MARCHF1: variants seen among roughly 807,000 people sequenced by gnomAD.
MARCHF1 encodes E3 ubiquitin-protein ligase MARCHF1.
MARCHF1 carries 40 observed loss-of-function variants against 54.2 expected under a neutral mutation model. The ratio of observed to expected loss-of-function variants is 0.74; its 90% CI spans 0.57 to 0.96. MARCHF1 has a LOEUF of 0.96. Ranked by LOEUF, MARCHF1 falls within the 40% of genes least tolerant of loss-of-function variation. MARCHF1 has a pLI of 0.00. For synonymous variants in MARCHF1, 236 were observed against 236.3 expected, an observed-to-expected ratio of 1.00 and a Z score of 0.01; for missense variants, 586 against 656.5, an observed-to-expected ratio of 0.89 and a Z score of 1.17.
chr4:163,984,959 A>C (rs1752833327), intron 3 of MARCHF1, among the ~76,000 whole-genome samples: 1 of 152,176 alleles, frequency 6.6e-6, no homozygotes, highest in South Asian at 2.1e-4. Flanking sequence ...TTTCCCGAGA[A>C]TGTGGTTTTC....
At chr4:164,380,843 C>T (rs1293566259) in intron 1 of MARCHF1, among the ~76,000 whole-genome samples, 1 of 152,090 alleles carries the variant, frequency 6.6e-6, no homozygotes, top group Admixed American at 6.5e-5. Flanking sequence ...GTGAAAGCTA[C>T]AATGTTTTGT....
intron 1 of MARCHF1, among the ~76,000 whole-genome samples, chr4:164,238,471 C>T (rs1189660578): frequency 2.0e-5 from 3 of 152,006 alleles, no homozygotes; most frequent in Non-Finnish European, 4.4e-5. Context: ...AACTCTACAT[C>T]CCTTGATAGC....
At chr4:163,663,238 AG>A (rs1190691688) in intron 5 of MARCHF1, among the ~76,000 whole-genome samples, 50 of 85,522 alleles carry the variant, frequency 5.8e-4, no homozygotes, top group African/African-American at 1.1e-3. Flanking sequence ...TTTTTTTTTT[AG>A]ATTTAGGGCT....
intron 1 of MARCHF1, among the ~76,000 whole-genome samples, chr4:164,245,423 T>A (rs1299120983): frequency 6.6e-6 from 1 of 152,204 alleles, no homozygotes; most frequent in African/African-American, 2.4e-5. Context: ...AAACTCTCAA[T>A]AAATTAGGTA....
At chr4:164,140,198 CACAT>C in intron 1 of MARCHF1, among the ~76,000 whole-genome samples, 1 of 146,788 alleles carries the variant, frequency 6.8e-6, no homozygotes, top group South Asian at 2.2e-4. Context: ...CACATACACA[CACAT>C]ATATACACAC....
chr4:164,241,191 A>G (rs1179204490), intron 1 of MARCHF1, among the ~76,000 whole-genome samples: 1 of 152,096 alleles, frequency 6.6e-6, no homozygotes, highest in Non-Finnish European at 1.5e-5. Context: ...TTCGAAGACC[A>G]TTTGGACAGT....
intron 1 of MARCHF1, among the ~76,000 whole-genome samples, chr4:164,295,447 A>AACACACAC (rs5863675): frequency 1.7e-4 from 25 of 150,796 alleles, no homozygotes; most frequent in African/African-American, 5.4e-4. Flanking sequence ...CATACACACA[A>AACACACAC]ACACACACAC....
chr4:164,180,146 A>G (rs757643298), intron 1 of MARCHF1, among the ~76,000 whole-genome samples: 1 of 151,948 alleles, frequency 6.6e-6, no homozygotes, highest in African/African-American at 2.4e-5. Flanking sequence ...AAATTTTCCC[A>G]ATGTTTAATT....
chr4:164,085,831 G>A (rs905738870), intron 2 of MARCHF1, among the ~76,000 whole-genome samples: 2 of 151,704 alleles, frequency 1.3e-5, no homozygotes, highest in African/African-American at 4.8e-5. Context: ...TTATGACTAT[G>A]TATTCTGTAC....
chr4:164,197,253 G>A (rs1731296614), intron 1 of MARCHF1: 21 of 1,610,834 alleles, frequency 1.3e-5, no homozygotes, highest in Non-Finnish European at 1.8e-5. Flanking sequence ...CAATATCTGA[G>A]TAAGGGGCCT....
chr4:164,104,416 C>T (rs1304242659), intron 2 of MARCHF1, among the ~76,000 whole-genome samples: 2 of 57,096 alleles, frequency 3.5e-5, no homozygotes, highest in African/African-American at 9.2e-5. Flanking sequence ...GCTTATCCAC[C>T]ATGATCAAGT....
chr4:163,875,249 T>C lies in MARCHF1; in HGVS notation c.-38-21080A>G, dbSNP rs935970990. Among the ~76,000 whole-genome samples the C allele has an allele frequency of 2.0e-4, 30 of 152,116 alleles. 1 individual carries two copies. Among genetic ancestry groups the C allele is most frequent in the African/African-American group, 6.8e-4 (28 of 41,442 alleles). ...AAAAATTCCCCAATTTATCTTCCCT[T>C]AAGTGTGTTCAGATAGTTTTGTGAC... On this transcript the variant is annotated intron_variant, in intron 3 of 9. Coordinates refer to ENST00000514618, the MANE Select transcript of MARCHF1 (RefSeq NM_001394959.1).
chr4:164,365,738 A>C (rs552208398), intron 1 of MARCHF1, among the ~76,000 whole-genome samples: 2 of 152,004 alleles, frequency 1.3e-5, no homozygotes, highest in South Asian at 4.1e-4. Context: ...CTAGATTTGA[A>C]CTCCTGTTTG....
Position 164,094,160 on chromosome 4 carries a change from G to T in MARCHF1, c.-248+17428C>A, listed in dbSNP as rs578045680. ...ACATTCCTGTAAGAAGTGGATGGACGTGCCAGCAAAATAAAAAGGGCTGAA... is the reference window on the plus strand; with the variant it reads ...ACATTCCTGTAAGAAGTGGATGGACTTGCCAGCAAAATAAAAAGGGCTGAA... On this transcript the variant is annotated intron_variant, in intron 2 of 9. Transcript: ENST00000514618. 6.8e-4 allele frequency among the ~76,000 whole-genome samples: 103 copies of T among 152,176 alleles called. 1 individual carries two copies. Among genetic ancestry groups the T allele is most frequent in the Non-Finnish European group, 1.2e-3 (83 of 67,980 alleles).
intron 1 of MARCHF1, among the ~76,000 whole-genome samples, chr4:164,373,388 A>T (rs1234455504): frequency 1.7e-5 from 2 of 118,398 alleles, no homozygotes; most frequent in Non-Finnish European, 3.2e-5. Context: ...GATGAGTCTC[A>T]CTCTCACCCA....
chr4:164,073,658 T>C (rs1754915471), intron 2 of MARCHF1, among the ~76,000 whole-genome samples: 1 of 151,930 alleles, frequency 6.6e-6, no homozygotes, highest in Non-Finnish European at 1.5e-5. Flanking sequence ...AATAAATAAA[T>C]AAACAAACAG....
chr4:163,974,509 C>T (rs1215920814), intron 3 of MARCHF1, among the ~76,000 whole-genome samples: 2 of 152,150 alleles, frequency 1.3e-5, no homozygotes, highest in Admixed American at 6.5e-5. Context: ...TGAATCTTTC[C>T]AGCTGAAGCC....
At chr4:163,780,830 C>A (rs1312015961) in intron 4 of MARCHF1, among the ~76,000 whole-genome samples, 2 of 152,218 alleles carry the variant, frequency 1.3e-5, no homozygotes, top group Non-Finnish European at 2.9e-5. Context: ...ACGCCCACAG[C>A]AGTGTCCATA....
chr4:164,048,981 C>T (rs1449730810), intron 2 of MARCHF1, among the ~76,000 whole-genome samples: 2 of 152,092 alleles, frequency 1.3e-5, no homozygotes, highest in African/African-American at 2.4e-5. Flanking sequence ...TTATTAGAGG[C>T]CAATTTAACA....
Sources: gnomAD v4.1 joint callset for allele counts (sites outside exome capture counted in the v4.1 genomes callset) on GRCh38, gnomAD v4.1.1 for gene constraint, MANE v1.5 for transcripts, NCBI Gene and HGNC (gene_info 2026-07-23, HGNC 2026-07-21) for gene names.